GPD2: variants seen among roughly 807,000 people sequenced by gnomAD.
GPD2 encodes glycerol-3-phosphate dehydrogenase, mitochondrial.
GPD2 carries 54 observed loss-of-function variants against 82.4 expected under a neutral mutation model. The observed-to-expected ratio is 0.66, with a 90% CI of 0.53 to 0.82. The LOEUF (loss-of-function observed/expected upper bound fraction) is 0.82. GPD2 is among the 40% of genes least tolerant of loss of function. The probability of loss-of-function intolerance (pLI) is 0.00; values close to 1 mark genes in which losing one functional copy is unlikely to be tolerated. For synonymous variants in GPD2, 288 were observed against 306.1 expected (o/e 0.94, Z 0.62); for missense variants, 748 against 896.2 (o/e 0.83, Z 2.11).
intron 1 of GPD2, among the ~76,000 whole-genome samples, chr2:156,468,735 A>AT (rs1683226605): frequency 6.6e-6 from 1 of 151,900 alleles, no homozygotes; most frequent in Non-Finnish European, 1.5e-5. Flanking sequence ...ATGTATACAT[A>AT]TTTTTGGGTA....
intron 6 of GPD2, among the ~76,000 whole-genome samples, chr2:156,529,015 T>C (rs1163545697): frequency 6.6e-6 from 1 of 151,538 alleles, no homozygotes; most frequent in Non-Finnish European, 1.5e-5. Context: ...ATCGCCACAC[T>C]GACTTCCACA....
intron 1 of GPD2, among the ~76,000 whole-genome samples, chr2:156,459,854 T>C (rs926339152): frequency 1.3e-5 from 2 of 152,098 alleles, no homozygotes; most frequent in Non-Finnish European, 2.9e-5. Context: ...CTGTAATCTC[T>C]GCAGAGCACT....
intron 1 of GPD2, among the ~76,000 whole-genome samples, chr2:156,441,972 G>T (rs933824739): frequency 1.3e-5 from 2 of 152,086 alleles, no homozygotes; most frequent in African/African-American, 2.4e-5. Flanking sequence ...CAAAATGAAA[G>T]AATTACTTAT....
chr2:156,425,296 G>A, the GPD2 span, among the ~76,000 whole-genome samples: 3 of 152,190 alleles, frequency 2.0e-5, no homozygotes, highest in Admixed American at 6.5e-5. Context: ...TAGAGACAGA[G>A]TTTCACTATG....
At chr2:156,422,547 G>A in the GPD2 span, among the ~76,000 whole-genome samples, 376 of 151,960 alleles carry the variant, frequency 2.5e-3, 3 homozygotes, top group Middle Eastern at 6.8e-3. Context: ...TGGCTAACAC[G>A]GTGAAACCTC....
At chr2:156,506,787 G>T (rs1165894268) in intron 3 of GPD2, among the ~76,000 whole-genome samples, 2 of 152,002 alleles carry the variant, frequency 1.3e-5, no homozygotes, top group African/African-American at 4.8e-5. Context: ...AATCTTTTCT[G>T]AACCTTAATC....
intron 13 of GPD2, among the ~76,000 whole-genome samples, chr2:156,577,087 C>T (rs539020948): frequency 2.0e-5 from 3 of 152,178 alleles, no homozygotes; most frequent in South Asian, 2.1e-4. Flanking sequence ...GAATTATTCA[C>T]GTTGATAATT....
At chr2:156,484,995 A>G (rs1683883769) in intron 2 of GPD2, among the ~76,000 whole-genome samples, 2 of 152,178 alleles carry the variant, frequency 1.3e-5, no homozygotes, top group South Asian at 2.1e-4. Context: ...ACTCTCATGT[A>G]TAAGTGAGAT....
chr2:156,497,791 C>T (rs1339013977), intron 3 of GPD2, among the ~76,000 whole-genome samples: 2 of 152,182 alleles, frequency 1.3e-5, no homozygotes, highest in Non-Finnish European at 2.9e-5. Flanking sequence ...AGGAAGTCTA[C>T]TCTGTTACAA....
intron 1 of GPD2, among the ~76,000 whole-genome samples, chr2:156,441,434 T>C (rs1248022819): frequency 6.6e-6 from 1 of 152,004 alleles, no homozygotes; most frequent in Non-Finnish European, 1.5e-5. Flanking sequence ...TGGTCCATGC[T>C]TGTAGTCCTC....
chr2:156,420,322 C>A, the GPD2 span, among the ~76,000 whole-genome samples: 1 of 152,042 alleles, frequency 6.6e-6, no homozygotes, highest in African/African-American at 2.4e-5. Flanking sequence ...CAGGTGTGTG[C>A]CACCAGGCCT....
At chr2:156,500,457 A>G (rs1684549119) in intron 3 of GPD2, among the ~76,000 whole-genome samples, 1 of 152,198 alleles carries the variant, frequency 6.6e-6, no homozygotes, top group Non-Finnish European at 1.5e-5. Context: ...CTCTTTTATC[A>G]TATTTGATGC....
chr2:156,462,171 A>G (rs1319846736), intron 1 of GPD2, among the ~76,000 whole-genome samples: 1 of 152,206 alleles, frequency 6.6e-6, no homozygotes, highest in Non-Finnish European at 1.5e-5. Flanking sequence ...GAGTGTTGCC[A>G]TGTTTTTTCA....
At chr2:156,540,393 C>G (rs1342160839) in intron 6 of GPD2, among the ~76,000 whole-genome samples, 1 of 152,194 alleles carries the variant, frequency 6.6e-6, no homozygotes, top group Admixed American at 6.5e-5. Context: ...TCCCAGGGGA[C>G]CGTTCTTCCT....
At chr2:156,405,118 C>A in the GPD2 span, among the ~76,000 whole-genome samples, 2 of 152,072 alleles carry the variant, frequency 1.3e-5, no homozygotes, top group African/African-American at 4.8e-5. Context: ...GTGACGAGGT[C>A]CTGAACCAAG....
intron 3 of GPD2, among the ~76,000 whole-genome samples, chr2:156,497,490 ATATT>A (rs1032798912): frequency 7.9e-5 from 12 of 152,336 alleles, no homozygotes; most frequent in African/African-American, 2.9e-4. Flanking sequence ...ATAAAGTTCA[ATATT>A]TATTATATTT....
chr2:156,539,461 A>T (rs1278003921), intron 6 of GPD2, among the ~76,000 whole-genome samples: 4 of 152,148 alleles, frequency 2.6e-5, no homozygotes, highest in African/African-American at 9.7e-5. Flanking sequence ...CCTTTCAGAC[A>T]ATCAGGACAT....
intron 3 of GPD2, among the ~76,000 whole-genome samples, chr2:156,499,163 G>A (rs1398638637): frequency 6.6e-6 from 1 of 152,104 alleles, no homozygotes; most frequent in Non-Finnish European, 1.5e-5. Flanking sequence ...ACTTATGGGT[G>A]GGAGTAAGGG....
At chr2:156,563,732 G>A (rs1687259346) in intron 9 of GPD2, among the ~76,000 whole-genome samples, 1 of 152,144 alleles carries the variant, frequency 6.6e-6, no homozygotes, top group African/African-American at 2.4e-5. Flanking sequence ...CGTTGGAGAT[G>A]TAGGCAAGGT....
Sources: allele counts gnomAD v4.1 joint callset (sites outside exome capture counted in the v4.1 genomes callset), GRCh38; gene constraint gnomAD v4.1.1; transcripts MANE v1.5; gene names NCBI Gene and HGNC (gene_info 2026-07-23, HGNC 2026-07-21).